The following SLITRK5 variants were observed in gnomAD, a reference collection of about 807,000 sequenced individuals.
SLITRK5 encodes SLIT and NTRK-like protein 5.
Under a neutral mutation model 56.2 loss-of-function variants are expected in SLITRK5, and 23 were observed. That is an observed-to-expected ratio of 0.41 (90% CI 0.29 to 0.58). The LOEUF (loss-of-function observed/expected upper bound fraction) is 0.58, where lower values mean the gene tolerates loss of function less well. Among genes scored for constraint, SLITRK5 ranks in the 20% least tolerant of loss-of-function variants. SLITRK5 has a pLI of 0.30. For missense variants in SLITRK5, 1,289 were observed against 1,226.6 expected (o/e 1.05, Z -0.76); for synonymous variants, 637 against 531.8 (o/e 1.20, Z -2.72).
intron 1 of SLITRK5, among the ~76,000 whole-genome samples, chr13:87,673,888 G>A (rs1464076226): frequency 1.3e-5 from 2 of 152,078 alleles, no homozygotes; most frequent in Non-Finnish European, 2.9e-5. Context: ...ATTAGACTTC[G>A]GTAGTGAGGC....
In SLITRK5 at chr13:87,678,989, T is replaced by C. The variant is rs942123186; in HGVS notation, c.*724T>C. On this transcript the variant is annotated 3_prime_UTR_variant, in exon 2 of 2. Transcript: ENST00000683689. ...GATGAAATATACAAATATTTTATTG[T>C]AGCACCTATTTTTATATGCACATTT... 1.8e-5 allele frequency: 3 copies of C among 166,960 alleles called. No homozygotes were observed. The highest frequency in any genetic ancestry group is 7.2e-5 in the African/African-American group (3 of 41,430). 10.3% of individuals were successfully genotyped at this position (166,960 alleles called of 1,614,324 possible).
Position 87,676,859 on chromosome 13 carries a change from A to C in SLITRK5, c.1471A>C (p.Asn491His). ...QSLQYLFLQYNLIREIQSGTF... is the reference protein window; with the variant it reads ...QSLQYLFLQYHLIREIQSGTF... ...CCTGCAGTATCTCTTCCTCCAGTAC[A>C]ATCTCATCCGCGAGATTCAGTCTGG... is the stretch of plus-strand genomic sequence containing the variant. The change falls in exon 2 of 2, where the codon AAT (asparagine) becomes CAT (histidine). Residue 491 changes from asparagine (N) to histidine (H), a missense_variant. By Grantham distance (68) the Asn-to-His change is moderately conservative. Transcript: ENST00000683689. 1 of 1,614,094 alleles carries C rather than the reference A, an allele frequency of 6.2e-7. No individual in the cohort carries two copies. The highest frequency in any genetic ancestry group is 8.5e-7 in the Non-Finnish European group (1 of 1,180,022).
chr13:87,674,283 AAAAG>A (rs990399090), intron 1 of SLITRK5: 23 of 571,724 alleles, frequency 4.0e-5, no homozygotes, highest in African/African-American at 6.1e-5. Flanking sequence ...GAGATTAAAA[AAAAG>A]AGAGAGGGGA....
chr13:87,671,508 T>C lies in SLITRK5; in HGVS notation c.-710T>C, dbSNP rs1283342829. On this transcript the variant is annotated 5_prime_UTR_variant, in exon 1 of 2. Transcript: ENST00000683689. ...GCTGTCTCAGAGACCCGGTGTTGCT[T>C]ACCGCGTTGCCACCTCCTCGGCGCC... Among the ~76,000 whole-genome samples the C allele has an allele frequency of 6.6e-6, 1 of 151,930 alleles. No individual in the cohort carries two copies. Among genetic ancestry groups the C allele is most frequent in the Non-Finnish European group, 1.5e-5 (1 of 67,972 alleles).
rs1877302690 is a variant in SLITRK5 at position 87,676,916 on chromosome 13, C to A, written c.1528C>A (p.Leu510Ile). The A allele has an allele frequency of 1.1e-5, 18 of 1,614,056 alleles. No individual in the cohort carries two copies. Among genetic ancestry groups the A allele is most frequent in the Non-Finnish European group, 1.5e-5 (18 of 1,179,940 alleles). Residue 510 changes from leucine (L) to isoleucine (I), a missense_variant, in exon 2 of 2, where the codon CTA becomes ATA. Leu to Ile is a conservative substitution (Grantham distance 5). Coordinates refer to ENST00000683689, the MANE Select transcript of SLITRK5 (RefSeq NM_001384609.1). ...TGACCCGGTCCCAAACCTCCAGCTG[C>A]TATTCTTGAATAACAACCTCCTGCA... ...TFDPVPNLQL[L>I]FLNNNLLQAM...
At chr13:87,675,017 T>C (rs1030701806) in intron 1 of SLITRK5, among the ~76,000 whole-genome samples, 1 of 151,960 alleles carries the variant, frequency 6.6e-6, no homozygotes, top group African/African-American at 2.4e-5. Context: ...GCTTCTTTTT[T>C]CTTAAATTAG....
At chr13:87,672,959 C>G (rs1239316894) in intron 1 of SLITRK5, 2 of 149,258 alleles carry the variant, frequency 1.3e-5, no homozygotes, top group East Asian at 4.7e-4. Flanking sequence ...CTTCTTCCTC[C>G]GTTTTCCCTT....
At position 87,675,959 on chromosome 13, in the gene SLITRK5, A is replaced by G. The variant is rs144237385; in HGVS notation, c.571A>G (p.Ser191Gly). 4 of 1,614,034 alleles carry G rather than the reference A, an allele frequency of 2.5e-6. No homozygotes were observed. The highest frequency in any genetic ancestry group is 1.3e-5 in the African/African-American group (1 of 74,940). The change falls in exon 2 of 2, where the codon AGT becomes GGT. Residue 191 changes from serine (S) to glycine (G), a missense_variant. Transcript: ENST00000683689. ...TATCCTCAATGACAATCTTTTGTCC[A>G]GTTTACCCAACAATCTTTTCCGTTT... Reference protein sequence around the residue: ...VLILNDNLLSSLPNNLFRFVP... With the variant: ...VLILNDNLLSGLPNNLFRFVP...
Position 87,677,191 on chromosome 13 carries a change from C to A in SLITRK5, c.1803C>A (p.Thr601=), listed in dbSNP as rs931098866. The change falls in exon 2 of 2, where the codon ACC becomes ACA. Residue 601 remains threonine (T), a synonymous_variant. Coordinates refer to ENST00000683689, the MANE Select transcript of SLITRK5 (RefSeq NM_001384609.1). The surrounding 1 kb of genome is among the most constrained non-coding windows in gnomAD (Gnocchi z 4.7). ...ICKAPKKFAE[T]DMRSIKSELL... is the part of the protein sequence containing the mutation. ...AGGCGCCCAAAAAATTCGCTGAGAC[C>A]GACATGCGCTCCATTAAGTCGGAGC... is the stretch of plus-strand genomic sequence containing the variant. 1 of 1,614,126 alleles carries A rather than the reference C, an allele frequency of 6.2e-7. No individual in the cohort carries two copies. The highest frequency in any genetic ancestry group is 8.5e-7 in the Non-Finnish European group (1 of 1,180,030).
intron 1 of SLITRK5, among the ~76,000 whole-genome samples, chr13:87,673,249 T>C (rs964545096): frequency 8.0e-5 from 12 of 149,736 alleles, no homozygotes; most frequent in Admixed American, 6.6e-4. Context: ...ACCCGCGAAT[T>C]TGCATCGGAG....
In SLITRK5 at chr13:87,677,547, G is replaced by A; in HGVS notation, c.2159G>A (p.Gly720Asp). Residue 720 changes from glycine (G) to aspartate (D), a missense_variant, in exon 2 of 2, where the codon GGC (glycine) becomes GAC (aspartate). Around this residue, in one of 3 missense-constraint regions of SLITRK5, gnomAD observed 985 missense variants for 906.0 expected, o/e 1.09. Coordinates refer to ENST00000683689, the MANE Select transcript of SLITRK5 (RefSeq NM_001384609.1). The surrounding 1 kb of genome is among the most constrained non-coding windows in gnomAD (Gnocchi z 4.7). The part of the protein sequence containing the change: ...FNMQYSVYGG[G>D]GGTGGHPHAH... ...ATGCAGTACAGCGTGTACGGCGGCG[G>A]CGGCGGCACGGGCGGCCACCCACAC... 1 of 1,608,450 alleles carries A rather than the reference G, an allele frequency of 6.2e-7. No homozygotes were observed. The highest frequency in any genetic ancestry group is 8.5e-7 in the Non-Finnish European group (1 of 1,176,564).
Position 87,677,782 on chromosome 13 carries a change from G to T in SLITRK5, c.2394G>T (p.Pro798=). ...ACCACCTGCAGCAGCAGCAGCAGCCGCCGCCGCCACCGCAGCAGCCACAGC... is the reference window on the plus strand; with the variant it reads ...ACCACCTGCAGCAGCAGCAGCAGCCTCCGCCGCCACCGCAGCAGCCACAGC... The part of the protein sequence containing the change: ...SNHHLQQQQQ[P]PPPPQQPQQQ... The change falls in exon 2 of 2, where the codon CCG becomes CCT. Residue 798 remains proline (P), a synonymous_variant. Coordinates refer to ENST00000683689, the MANE Select transcript of SLITRK5 (RefSeq NM_001384609.1). The surrounding 1 kb of genome is among the most constrained non-coding windows in gnomAD (Gnocchi z 4.7). 1.2e-6 allele frequency: 2 copies of T among 1,609,722 alleles called. No individual in the cohort carries two copies. Among genetic ancestry groups the T allele is most frequent in the Non-Finnish European group, 1.7e-6 (2 of 1,178,334 alleles).
In SLITRK5 at chr13:87,678,347, G is replaced by T. The variant is rs1289707544; in HGVS notation, c.*82G>T. 7.4e-7 allele frequency: 1 copy of T among 1,343,844 alleles called. No homozygotes were observed. Among genetic ancestry groups the T allele is most frequent in the Non-Finnish European group, 1.0e-6 (1 of 975,990 alleles). The allele number at this position is 1,343,844 out of a possible 1,614,324, so 83.2% of individuals were successfully genotyped here. On this transcript the variant is annotated 3_prime_UTR_variant, in exon 2 of 2. Transcript: ENST00000683689. ...ACACAGTGAACACATTTGATTAATT[G>T]TGTTGTTTCAACGTTTAGGGTGAAG... is the stretch of plus-strand genomic sequence containing the variant.
intron 1 of SLITRK5, chr13:87,674,544 G>A (rs1877187035): frequency 3.7e-6 from 1 of 273,140 alleles, no homozygotes; most frequent in Non-Finnish European, 5.6e-6. Flanking sequence ...CCATCGTGCA[G>A]AACTATTTCA....
Position 87,677,152 on chromosome 13 carries a change from C to T in SLITRK5, c.1764C>T (p.Asp588=). Residue 588 remains aspartate (D), a synonymous_variant, in exon 2 of 2, where the codon GAC becomes GAT. Coordinates refer to ENST00000683689, the MANE Select transcript of SLITRK5 (RefSeq NM_001384609.1). The surrounding 1 kb of genome is among the most constrained non-coding windows in gnomAD (Gnocchi z 4.7). ...VEQLKVGVLV[D]EVICKAPKKF... ...AGCTCAAAGTGGGCGTCCTAGTGGA[C>T]GAGGTGATCTGTAAGGCGCCCAAAA... The T allele has an allele frequency of 1.2e-6, 2 of 1,614,134 alleles. No individual in the cohort carries two copies. Among genetic ancestry groups the T allele is most frequent in the African/African-American group, 1.3e-5 (1 of 75,034 alleles).
rs543302094 is a variant in SLITRK5 at position 87,671,393 on chromosome 13, G to A, written c.-825G>A. On this transcript the variant is annotated 5_prime_UTR_variant, in exon 1 of 2. Coordinates refer to ENST00000683689, the MANE Select transcript of SLITRK5 (RefSeq NM_001384609.1). ...GCCACCGAGCGCCCGCTTCGCCCCG[G>A]GCCCATCATGTCTGCTGCAGCTTGG... The A allele has an allele frequency of 1.7e-4, 26 of 152,338 alleles. No individual in the cohort carries two copies. Among genetic ancestry groups the A allele is most frequent in the African/African-American group, 6.0e-4 (25 of 41,522 alleles). 9.4% of individuals were successfully genotyped at this position (152,338 alleles called of 1,614,324 possible). A position where few individuals can be genotyped will look rare whatever the true frequency, so the allele number is the denominator to read the frequency against.
chr13:87,677,283 C>T lies in SLITRK5; in HGVS notation c.1895C>T (p.Ala632Val). Residue 632 changes from alanine to valine, a missense_variant, in exon 2 of 2, where the codon GCG becomes GTG. By Grantham distance (64) the Ala-to-Val change is moderately conservative. Transcript: ENST00000683689. The surrounding 1 kb of genome is among the most constrained non-coding windows in gnomAD (Gnocchi z 4.7). ...ACACCCTCCTCTATCCAGGTCCCTGCGAGGACCAGCGCCGTGACTCCTGCG... is the reference window on the plus strand; with the variant it reads ...ACACCCTCCTCTATCCAGGTCCCTGTGAGGACCAGCGCCGTGACTCCTGCG... ...TPTPSSIQVP[A>V]RTSAVTPAVR... 6.2e-7 allele frequency: 1 copy of T among 1,614,144 alleles called. No homozygotes were observed. Among genetic ancestry groups the T allele is most frequent in the Non-Finnish European group, 8.5e-7 (1 of 1,180,030 alleles).
rs901447076 is a variant in SLITRK5 at position 87,678,512 on chromosome 13, A to G, written c.*247A>G. 1 of 499,874 alleles carries G rather than the reference A, an allele frequency of 2.0e-6. No homozygotes were observed. The highest frequency in any genetic ancestry group is 3.6e-5 in the Admixed American group (1 of 27,564). The allele number at this position is 499,874 out of a possible 1,614,324, so 31.0% of individuals were successfully genotyped here. On this transcript the variant is annotated 3_prime_UTR_variant, in exon 2 of 2. Coordinates refer to ENST00000683689, the MANE Select transcript of SLITRK5 (RefSeq NM_001384609.1). ...CTTGCGTGTGGGGCAGGTGTGGAGA[A>G]GGGCTTTAAGGAGGCCAATTTGCTG...
rs2137948000 is a variant in SLITRK5, at chr13:87,677,958, G to A, written c.2570G>A (p.Gly857Asp). Residue 857 changes from glycine to aspartate, a missense_variant, in exon 2 of 2, where the codon GGC becomes GAC. Physicochemically the swap from Gly to Asp is moderately conservative, Grantham distance 94. Around this residue, in one of 3 missense-constraint regions of SLITRK5, gnomAD observed 985 missense variants for 906.0 expected, o/e 1.09. Transcript: ENST00000683689. The surrounding 1 kb of genome is among the most constrained non-coding windows in gnomAD (Gnocchi z 4.7). Reference sequence around the variant, plus strand: ...CAGGACGCCGACCGCTTTTACAGGGGCATTTTAGAACCAGACAAACACTGC... The same window carrying A: ...CAGGACGCCGACCGCTTTTACAGGGACATTTTAGAACCAGACAAACACTGC... ...PVQDADRFYR[G>D]ILEPDKHCST... 1.2e-6 allele frequency: 2 copies of A among 1,613,952 alleles called. No individual in the cohort carries two copies. The highest frequency in any genetic ancestry group is 1.3e-5 in the African/African-American group (1 of 75,042).
Sources: gnomAD v4.1 joint callset for allele counts (sites outside exome capture counted in the v4.1 genomes callset) on GRCh38, gnomAD v4.1.1 for gene constraint, gnomAD v4.1.1 regional missense constraint, Gnocchi (gnomAD v3.1) non-coding constraint, MANE v1.5 for transcripts, NCBI Gene and HGNC (gene_info 2026-07-23, HGNC 2026-07-21) for gene names.